CNGA3: variants seen among roughly 807,000 people sequenced by gnomAD.
The protein encoded by CNGA3 is cyclic nucleotide gated channel subunit alpha 3.
A neutral mutation model predicts 46.6 loss-of-function variants in CNGA3; 42 were observed. That is an observed-to-expected ratio of 0.90 (90% CI 0.70 to 1.17). The LOEUF (loss-of-function observed/expected upper bound fraction) is 1.17. Ranked by LOEUF, CNGA3 falls within the 50% of genes most tolerant of loss-of-function variation. The probability of loss-of-function intolerance (pLI) is 0.00; values close to 1 mark genes in which losing one functional copy is unlikely to be tolerated. For missense variants in CNGA3, 893 were observed against 890.7 expected (o/e 1.00, Z -0.03); for synonymous variants, 394 against 369.4 (o/e 1.07, Z -0.76).
Position 98,397,075 on chromosome 2 carries a change from C to T in CNGA3, c.1905C>T (p.Ser635=). Reference sequence around the variant, plus strand: ...AGGAGAAAGTGGAGCAGCTGGGGTCCTCCCTGGACACCCTGCAGACCAGGT... The same window carrying T: ...AGGAGAAAGTGGAGCAGCTGGGGTCTTCCCTGGACACCCTGCAGACCAGGT... The part of the protein sequence containing the change: ...DLEEKVEQLG[S]SLDTLQTRFA... The change falls in exon 8 of 8, where the codon TCC becomes TCT. Residue 635 remains serine (S), a synonymous_variant. Coordinates refer to ENST00000272602, the MANE Select transcript of CNGA3 (RefSeq NM_001298.3). 1.9e-6 allele frequency: 3 copies of T among 1,614,168 alleles called. No individual in the cohort carries two copies. Among genetic ancestry groups the T allele is most frequent in the Non-Finnish European group, 2.5e-6 (3 of 1,180,020 alleles).
rs1212592724 is a variant in CNGA3 at position 98,397,908 on chromosome 2, G to A, written c.*653G>A. The A allele has an allele frequency of 6.5e-6, 1 of 153,526 alleles. No homozygotes were observed. The highest frequency in any genetic ancestry group is 1.5e-5 in the Non-Finnish European group (1 of 68,906). The allele number at this position is 153,526 out of a possible 1,614,324, so 9.5% of individuals were successfully genotyped here. A position where few individuals can be genotyped will look rare whatever the true frequency, so the allele number is the denominator to read the frequency against. On this transcript the variant is annotated 3_prime_UTR_variant, in exon 8 of 8. Coordinates refer to ENST00000272602, the MANE Select transcript of CNGA3 (RefSeq NM_001298.3). ...CCAGACTCCTTGCCGTTCAGCCACTGTGAAACCAGAATCTGCTTCACAGAA... is the reference window on the plus strand; with the variant it reads ...CCAGACTCCTTGCCGTTCAGCCACTATGAAACCAGAATCTGCTTCACAGAA...
At chr2:98,355,508 C>A (rs1048805850) in intron 1 of CNGA3, among the ~76,000 whole-genome samples, 1 of 152,160 alleles carries the variant, frequency 6.6e-6, no homozygotes, top group African/African-American at 2.4e-5. Flanking sequence ...TGATTTTCAA[C>A]TCTGTTCCAC....
chr2:98,374,003 G>A (rs1262637277), intron 2 of CNGA3, among the ~76,000 whole-genome samples: 1 of 152,218 alleles, frequency 6.6e-6, no homozygotes, highest in Admixed American at 6.5e-5. Flanking sequence ...GTGGCCAATA[G>A]CAGTGGGTTC....
rs552126287 is a variant in CNGA3, at chr2:98,398,218, T to G, written c.*963T>G. On this transcript the variant is annotated 3_prime_UTR_variant, in exon 8 of 8. Transcript: ENST00000272602. ...AGGAAGCCTCAAGATCCCTTGGAAT[T>G]GCATCCCAAGGCAAAGCTTTTGGCT... 1.3e-5 allele frequency: 2 copies of G among 152,316 alleles called. No homozygotes were observed. The highest frequency in any genetic ancestry group is 1.9e-4 in the East Asian group (1 of 5,180). The allele number at this position is 152,316 out of a possible 1,614,324, so 9.4% of individuals were successfully genotyped here. A position where few individuals can be genotyped will look rare whatever the true frequency, so the allele number is the denominator to read the frequency against.
intron 7 of CNGA3, among the ~76,000 whole-genome samples, chr2:98,393,758 C>A (rs776938059): frequency 4.6e-5 from 7 of 152,034 alleles, no homozygotes; most frequent in Admixed American, 2.6e-4. Flanking sequence ...CAAGATTCAG[C>A]AGGAAGCTGG....
At chr2:98,378,159 G>T in intron 3 of CNGA3, 1 of 1,550,726 alleles carries the variant, frequency 6.4e-7, no homozygotes. Flanking sequence ...GCTGAGGATG[G>T]TGGTGATGAG....
chr2:98,395,800 AG>A, intron 7 of CNGA3, 43 bp from the exon 8 acceptor site: 1 of 1,565,372 alleles, frequency 6.4e-7, no homozygotes, highest in Non-Finnish European at 8.8e-7. Flanking sequence ...GGTCAAAAAA[AG>A]TCAGCCTCTG....
chr2:98,383,370 C>T lies in CNGA3; in HGVS notation c.396-18C>T, dbSNP rs771527205. ...AAACAGAGTTCAGACCCTTGATGTT[C>T]TCTCTACCTTCCCGCAGCGCCTGGC... On this transcript the variant is annotated intron_variant, in intron 4 of 7. Coordinates refer to ENST00000272602, the MANE Select transcript of CNGA3 (RefSeq NM_001298.3). 3 of 1,613,564 alleles carry T rather than the reference C, an allele frequency of 1.9e-6. No homozygotes were observed. The African/African-American group carries it at 4.0e-5, about 22-fold the overall frequency.
intron 5 of CNGA3, among the ~76,000 whole-genome samples, chr2:98,385,983 C>G (rs1292239505): frequency 1.3e-5 from 2 of 152,160 alleles, no homozygotes; most frequent in East Asian, 1.9e-4. Flanking sequence ...GACACAGATT[C>G]AAACCACATA....
At chr2:98,364,871 G>T (rs2104159268) in intron 1 of CNGA3, among the ~76,000 whole-genome samples, 1 of 152,240 alleles carries the variant, frequency 6.6e-6, no homozygotes, top group Admixed American at 6.5e-5. Context: ...TGCTTATGAA[G>T]TTTAGTTTGG....
At chr2:98,354,408 A>G (rs1691834714) in intron 1 of CNGA3, among the ~76,000 whole-genome samples, 1 of 152,090 alleles carries the variant, frequency 6.6e-6, no homozygotes, top group South Asian at 2.1e-4. Flanking sequence ...CTTCAGATAA[A>G]TGTCTATTCA....
At chr2:98,383,348 C>G (rs371278764) in intron 4 of CNGA3, 40 bp from the exon 5 acceptor site, 541 of 1,602,428 alleles carry the variant, frequency 3.4e-4, no homozygotes, top group Non-Finnish European at 4.4e-4. Flanking sequence ...GGAATGGAAA[C>G]AGAGTTCAGA....
At chr2:98,392,078 G>A in intron 7 of CNGA3, 108 bp downstream of exon 7, 1 of 980,832 alleles carries the variant, frequency 1.0e-6, no homozygotes. Context: ...TGAGAGGCCA[G>A]GCAGGTCTGG....
intron 1 of CNGA3, among the ~76,000 whole-genome samples, chr2:98,366,304 C>G (rs564867701): frequency 6.6e-6 from 1 of 152,136 alleles, no homozygotes; most frequent in African/African-American, 2.4e-5. Context: ...GGGGCGCTGA[C>G]CTGATGCCGG....
chr2:98,387,601 A>C (rs1351183822), intron 5 of CNGA3, among the ~76,000 whole-genome samples: 2 of 152,192 alleles, frequency 1.3e-5, no homozygotes, highest in African/African-American at 4.8e-5. Context: ...TTGAAGAAAA[A>C]CCTGCAGTCA....
intron 2 of CNGA3, among the ~76,000 whole-genome samples, chr2:98,374,154 CA>C (rs1692352743): frequency 6.6e-6 from 1 of 152,224 alleles, no homozygotes; most frequent in South Asian, 2.1e-4. Context: ...TCACCAAGTG[CA>C]AAGTTAATTT....
At chr2:98,383,160 G>A (rs1692574868) in intron 4 of CNGA3, among the ~76,000 whole-genome samples, 2 of 152,184 alleles carry the variant, frequency 1.3e-5, no homozygotes, top group South Asian at 2.1e-4. Context: ...AGAAGCCTCA[G>A]TTTAGCCATG....
intron 7 of CNGA3, among the ~76,000 whole-genome samples, chr2:98,394,117 C>T (rs1048644816): frequency 6.6e-5 from 10 of 152,026 alleles, no homozygotes; most frequent in South Asian, 2.1e-4. Flanking sequence ...CTCTGTGTTT[C>T]GCACAGCCCT....
Position 98,386,870 on chromosome 2 carries a change from A to G in CNGA3, c.450-2788A>G, listed in dbSNP as rs552487907. Among the ~76,000 whole-genome samples the G allele has an allele frequency of 1.1e-4, 17 of 152,336 alleles. No homozygotes were observed. The East Asian group carries it at 3.3e-3, about 29-fold the overall frequency. On this transcript the variant is annotated intron_variant, in intron 5 of 7. Coordinates refer to ENST00000272602, the MANE Select transcript of CNGA3 (RefSeq NM_001298.3). ...GGATCTCAGCCCCACAATCGCAAGA[A>G]GCTGGATTCTGCGTAAGATCCAAAC...
Sources: allele counts gnomAD v4.1 joint callset (sites outside exome capture counted in the v4.1 genomes callset), GRCh38; gene constraint gnomAD v4.1.1; transcripts MANE v1.5; gene names NCBI Gene and HGNC (gene_info 2026-07-23, HGNC 2026-07-21).